Variants in DNAH17 observed in about 807,000 individuals in gnomAD.
DNAH17 encodes the protein axonemal beta dynein heavy chain 17.
A neutral mutation model predicts 485.6 loss-of-function variants in DNAH17; 376 were observed. That is an observed-to-expected ratio of 0.77 (90% CI 0.71 to 0.84). The LOEUF is 0.84. DNAH17 is among the 40% of genes least tolerant of loss of function. DNAH17 has a pLI of 0.00. For synonymous variants in DNAH17, 3,031 were observed against 2,405.9 expected, an observed-to-expected ratio of 1.26 and a Z score of -7.60; for missense variants, 6,370 against 5,839.3, an observed-to-expected ratio of 1.09 and a Z score of -2.96.
chr17:78,556,736 C>T (rs534653154), intron 14 of DNAH17, among the ~76,000 whole-genome samples: 9 of 151,932 alleles, frequency 5.9e-5, no homozygotes, highest in South Asian at 2.1e-4. Flanking sequence ...TTTGTAAAAG[C>T]GAAAACTGAA....
rs1449443533 is a variant in DNAH17, at chr17:78,466,735, T to C, written c.8860A>G (p.Ile2954Val). The change falls in exon 56 of 81, where the codon ATC (isoleucine) becomes GTC (valine). Residue 2954 changes from isoleucine to valine, a missense_variant. Coordinates refer to ENST00000389840, the MANE Select transcript of DNAH17 (RefSeq NM_173628.4). The stretch of plus-strand genomic sequence containing the variant: ...TCCGGCCACTCGTGGAACCAGTCGA[T>C]GGCCGTGCAGTTGACCACAGCTGGG... ...KFPAVVNCTA[I>V]DWFHEWPEDA... 2.5e-6 allele frequency: 4 copies of C among 1,613,112 alleles called. No homozygotes were observed. The highest frequency in any genetic ancestry group is 1.3e-5 in the African/African-American group (1 of 74,994).
intron 57 of DNAH17, among the ~76,000 whole-genome samples, chr17:78,462,231 G>C (rs899101007): frequency 1.4e-5 from 2 of 143,522 alleles, no homozygotes; most frequent in African/African-American, 5.1e-5. Flanking sequence ...AGGCTGGTGG[G>C]AGAGTGACAG....
At chr17:78,426,284 G>A (rs1380703922) in intron 79 of DNAH17, among the ~76,000 whole-genome samples, 173 bp downstream of exon 79, 1 of 152,216 alleles carries the variant, frequency 6.6e-6, no homozygotes, top group Non-Finnish European at 1.5e-5. Context: ...TGGCTGCACT[G>A]TCAGGGTGTG....
chr17:78,469,112 C>T (rs535995048), intron 54 of DNAH17, among the ~76,000 whole-genome samples: 9 of 152,170 alleles, frequency 5.9e-5, no homozygotes, highest in South Asian at 2.1e-4. Context: ...TACAGGCACA[C>T]GCCGCCATGG....
rs912813623 is a variant in DNAH17 at position 78,495,735 on chromosome 17, G to A, written c.5903+140C>T. ...TTACAGAAGTGAGTTACTGTGCCCG[G>A]CCATCTTGGGAGCTTTTGATGACTT... On this transcript the variant is annotated intron_variant, in intron 38 of 80. Coordinates refer to ENST00000389840, the MANE Select transcript of DNAH17 (RefSeq NM_173628.4). 3.9e-6 allele frequency: 4 copies of A among 1,028,710 alleles called. No homozygotes were observed. In the African/African-American group the frequency reaches 4.9e-5, roughly 13 times the overall value. The allele number at this position is 1,028,710 out of a possible 1,614,324, so 63.7% of individuals were successfully genotyped here. A position where few individuals can be genotyped will look rare whatever the true frequency, so the allele number is the denominator to read the frequency against.
Position 78,495,877 on chromosome 17 carries a change from G to GA in DNAH17, c.5900dup (p.Arg1968GlnfsTer15). The GA allele has an allele frequency of 1.2e-6, 2 of 1,612,992 alleles. No homozygotes were observed. The highest frequency in any genetic ancestry group is 1.1e-5 in the South Asian group (1 of 90,984). On this transcript the variant is annotated frameshift_variant, in exon 38 of 81. Coordinates refer to ENST00000389840, the MANE Select transcript of DNAH17 (RefSeq NM_173628.4). LOFTEE classifies it high-confidence loss of function. ...TCACTTTCACCTGGGCCACGTACCT[G>GA]AATAAGGCTTTTAGGTTCTCAGGCA...
chr17:78,546,922 A>AT (rs397729892), intron 16 of DNAH17, among the ~76,000 whole-genome samples: 3 of 148,816 alleles, frequency 2.0e-5, no homozygotes, highest in African/African-American at 7.4e-5. Context: ...AAAAAAAAAA[A>AT]TTGCTTTTGA....
intron 68 of DNAH17, 128 bp downstream of exon 68, chr17:78,450,125 TG>T: frequency 1.8e-6 from 2 of 1,118,652 alleles, no homozygotes; most frequent in Non-Finnish European, 2.6e-6. Flanking sequence ...ATCTGCAGGC[TG>T]GACCAGGTCT....
At chr17:78,433,952 G>C in intron 75 of DNAH17, 77 bp downstream of exon 75, 1 of 1,202,550 alleles carries the variant, frequency 8.3e-7, no homozygotes, top group Non-Finnish European at 1.2e-6. Context: ...AGGGAGGGAA[G>C]GAGGGAGGGA....
At chr17:78,483,099 G>A (rs559761423) in intron 48 of DNAH17, among the ~76,000 whole-genome samples, 18 of 151,566 alleles carry the variant, frequency 1.2e-4, no homozygotes, top group Admixed American at 2.6e-4. Flanking sequence ...TCCTGTCTGG[G>A]TACCCTCAAA....
Position 78,532,542 on chromosome 17 carries a change from G to A in DNAH17, c.3054C>T (p.Asp1018=). The A allele has an allele frequency of 1.2e-6, 2 of 1,611,352 alleles. No homozygotes were observed. Among genetic ancestry groups the A allele is most frequent in the Non-Finnish European group, 1.7e-6 (2 of 1,178,966 alleles). Residue 1018 remains aspartate (D), a synonymous_variant, in exon 20 of 81, where the codon GAC becomes GAT. Transcript: ENST00000389840. The part of the protein sequence containing the change: ...YGCAVTAEDL[D]TWTDDTIPKT... ...TGGGGATGGTGTCATCTGTCCAGGT[G>A]TCCAAGTCCTCCGCAGTGACTGCAC...
chr17:78,517,134 C>T (rs1392337539), intron 25 of DNAH17, among the ~76,000 whole-genome samples: 1 of 152,208 alleles, frequency 6.6e-6, no homozygotes, highest in Non-Finnish European at 1.5e-5. Flanking sequence ...CCTCCACCTC[C>T]TGGGTTCAAG....
intron 38 of DNAH17, 117 bp from the exon 39 acceptor site, chr17:78,495,214 G>T: frequency 7.6e-7 from 1 of 1,318,938 alleles, no homozygotes. Context: ...CCACAGCAGA[G>T]TGTTGAACCT....
At chr17:78,478,323 A>G (rs1008002998) in intron 51 of DNAH17, among the ~76,000 whole-genome samples, 2 of 138,368 alleles carry the variant, frequency 1.4e-5, no homozygotes, top group Non-Finnish European at 3.1e-5. Flanking sequence ...CATCACCACC[A>G]CCACCATTAT....
intron 47 of DNAH17, among the ~76,000 whole-genome samples, chr17:78,485,320 G>A (rs2089551121): frequency 9.0e-6 from 1 of 111,592 alleles, no homozygotes; most frequent in Non-Finnish European, 2.2e-5. Flanking sequence ...TGCCTCGACT[G>A]GCCATCAAAA....
intron 54 of DNAH17, among the ~76,000 whole-genome samples, chr17:78,470,069 C>CTTTTTTTTT (rs34298026): frequency 1.1e-5 from 1 of 93,366 alleles, no homozygotes; most frequent in Non-Finnish European, 1.9e-5. Flanking sequence ...ATGTCTTACT[C>CTTTTTTTTT]TTTTTTTTTT....
At position 78,501,213 on chromosome 17, in the gene DNAH17, C is replaced by T. The variant is rs117111854; in HGVS notation, c.5454G>A (p.Pro1818=). The T allele has an allele frequency of 4.7e-4, 741 of 1,593,188 alleles. 6 individuals carry two copies. The East Asian group carries it at 9.3e-3, about 20-fold the overall frequency. ...QYSYEYLGNT[P]RLVITPLTDR... is the part of the protein sequence containing the mutation. ...CAGTGAGTGGGGTGATGACCAGCCG[C>T]GGCGTGTTGCCCAGATACTCATAGG... Residue 1818 remains proline (P), a synonymous_variant, in exon 35 of 81, where the codon CCG becomes CCA. Transcript: ENST00000389840.
At position 78,572,695 on chromosome 17, in the gene DNAH17, A is replaced by G; in HGVS notation, c.539+6T>C. 6.3e-7 allele frequency: 1 copy of G among 1,597,908 alleles called. No individual in the cohort carries two copies. The highest frequency in any genetic ancestry group is 8.5e-7 in the Non-Finnish European group (1 of 1,172,674). ...GCGGCAGCCGGAAGCAGCTGGGCCC[A>G]CACACCTCTCCATGGACTCCAGCGT... On this transcript the variant is annotated splice_donor_region_variant and intron_variant, in intron 3 of 80. Transcript: ENST00000389840.
intron 75 of DNAH17, among the ~76,000 whole-genome samples, chr17:78,432,213 A>AAATAAAT: frequency 6.6e-6 from 1 of 151,674 alleles, no homozygotes; most frequent in African/African-American, 2.4e-5. Context: ...TAAAATAAAT[A>AAATAAAT]AAAATTAAAA....
Sources: gnomAD v4.1 joint callset for allele counts (sites outside exome capture counted in the v4.1 genomes callset) on GRCh38, gnomAD v4.1.1 for gene constraint, MANE v1.5 for transcripts, NCBI Gene and HGNC (gene_info 2026-07-23, HGNC 2026-07-21) for gene names.